Variants in SAMD12 observed in about 807,000 individuals in gnomAD.
SAMD12 encodes the protein sterile alpha motif domain containing 12.
In SAMD12, 9 loss-of-function variants were observed where a neutral mutation model predicts 15.0. That is an observed-to-expected ratio of 0.60 (90% confidence interval 0.36 to 1.05). SAMD12 has a LOEUF of 1.05. Among genes scored for constraint, SAMD12 ranks in the 50% least tolerant of loss-of-function variants. SAMD12 has a pLI of 0.01. For missense variants in SAMD12, 230 were observed against 234.2 expected (o/e 0.98, Z 0.12); for synonymous variants, 86 against 90.1 (o/e 0.96, Z 0.25).
At chr8:118,595,938 T>C (rs1057213998) in intron 1 of SAMD12, among the ~76,000 whole-genome samples, 1 of 152,220 alleles carries the variant, frequency 6.6e-6, no homozygotes, top group Non-Finnish European at 1.5e-5. Flanking sequence ...AGAGTGTCTG[T>C]CCCTATACAG....
At chr8:118,463,100 CAAAAAAAAA>C (rs71292167) in intron 2 of SAMD12, among the ~76,000 whole-genome samples, 2 of 63,110 alleles carry the variant, frequency 3.2e-5, no homozygotes, top group African/African-American at 1.3e-4. Context: ...AACTCCGTCT[CAAAAAAAAA>C]AAAAAAAAAA....
the SAMD12 span, among the ~76,000 whole-genome samples, chr8:118,145,252 T>G: frequency 1.3e-5 from 2 of 152,106 alleles, no homozygotes; most frequent in Non-Finnish European, 2.9e-5. Context: ...AGGGGTAAAT[T>G]ATATATTTGG....
intron 4 of SAMD12, among the ~76,000 whole-genome samples, chr8:118,354,685 G>C (rs929995890): frequency 3.9e-5 from 6 of 152,366 alleles, no homozygotes; most frequent in Admixed American, 3.3e-4. Flanking sequence ...ATGCTGAACA[G>C]TGCAGAACTA....
chr8:118,565,906 G>A (rs896943844), intron 2 of SAMD12, among the ~76,000 whole-genome samples: 1 of 152,060 alleles, frequency 6.6e-6, no homozygotes, highest in African/African-American at 2.4e-5. Flanking sequence ...TGTCAAATTT[G>A]TCCACTTCTC....
At chr8:118,568,223 T>C (rs1826902257) in intron 2 of SAMD12, among the ~76,000 whole-genome samples, 1 of 152,016 alleles carries the variant, frequency 6.6e-6, no homozygotes, top group South Asian at 2.1e-4. Flanking sequence ...TTGAAGGAAA[T>C]GAAGGGGTGC....
At chr8:118,147,476 T>C in the SAMD12 span, among the ~76,000 whole-genome samples, 10 of 151,434 alleles carry the variant, frequency 6.6e-5, no homozygotes, top group East Asian at 5.9e-4. Context: ...CTCTCCTGTC[T>C]CAGCCTCCCG....
At chr8:118,608,408 C>A (rs1434626529) in intron 1 of SAMD12, among the ~76,000 whole-genome samples, 1 of 152,058 alleles carries the variant, frequency 6.6e-6, no homozygotes, top group Non-Finnish European at 1.5e-5. Context: ...CACTGCATTG[C>A]CTAGCAGTCA....
At chr8:118,492,172 G>A (rs1417358597) in intron 2 of SAMD12, among the ~76,000 whole-genome samples, 1 of 143,984 alleles carries the variant, frequency 6.9e-6, no homozygotes, top group African/African-American at 2.6e-5. Flanking sequence ...GTATCAAGTA[G>A]TATTTCATTG....
chr8:118,500,662 T>C (rs1184303109), intron 2 of SAMD12, among the ~76,000 whole-genome samples: 1 of 151,858 alleles, frequency 6.6e-6, no homozygotes, highest in South Asian at 2.1e-4. Context: ...AAAAATTAGC[T>C]GGGCGTGGTG....
At chr8:118,406,813 G>A (rs1821151022) in intron 3 of SAMD12, among the ~76,000 whole-genome samples, 1 of 151,656 alleles carries the variant, frequency 6.6e-6, no homozygotes, top group Non-Finnish European at 1.5e-5. Flanking sequence ...ATTTGACTTA[G>A]CATAATGTCC....
chr8:118,148,785 G>A, the SAMD12 span, among the ~76,000 whole-genome samples: 1 of 152,160 alleles, frequency 6.6e-6, no homozygotes, highest in African/African-American at 2.4e-5. Context: ...CATGTCATAT[G>A]TGGTTATTTA....
chr8:118,514,326 CTGT>C (rs1307889206), intron 2 of SAMD12, among the ~76,000 whole-genome samples: 1 of 152,160 alleles, frequency 6.6e-6, no homozygotes, highest in East Asian at 1.9e-4. Flanking sequence ...TGGAAGAAAG[CTGT>C]TATTATTCCC....
intron 2 of SAMD12, among the ~76,000 whole-genome samples, chr8:118,518,443 A>T (rs930580511): frequency 6.6e-6 from 1 of 152,208 alleles, no homozygotes; most frequent in African/African-American, 2.4e-5. Flanking sequence ...TAAACTGAAT[A>T]ATAACCTCTT....
chr8:118,439,494 A>C (rs1293479962), intron 3 of SAMD12, among the ~76,000 whole-genome samples: 1 of 152,218 alleles, frequency 6.6e-6, no homozygotes, highest in South Asian at 2.1e-4. Context: ...TGGAAGATCT[A>C]CATAGTGATC....
At chr8:118,375,947 A>T (rs1456524268), downstream of SAMD12, 2 of 152,136 alleles carry the variant, frequency 1.3e-5, no homozygotes, top group African/African-American at 4.8e-5. Context: ...TATAGTATAC[A>T]TTGTTCTGCA....
the SAMD12 span, among the ~76,000 whole-genome samples, chr8:118,144,870 C>T: frequency 2.0e-5 from 3 of 152,310 alleles, no homozygotes; most frequent in South Asian, 6.2e-4. Context: ...TCCATATAGT[C>T]TCCAATGCAA....
intron 3 of SAMD12, among the ~76,000 whole-genome samples, chr8:118,386,272 T>C (rs1819950780): frequency 6.6e-6 from 1 of 152,194 alleles, no homozygotes; most frequent in African/African-American, 2.4e-5. Context: ...AAACATTCTC[T>C]GATACGTCTG....
chr8:118,175,033 A>C, the SAMD12 span, among the ~76,000 whole-genome samples: 2 of 83,596 alleles, frequency 2.4e-5, no homozygotes, highest in African/African-American at 9.2e-5. Flanking sequence ...GCAAAAAAAA[A>C]CAAAAAAAAA....
At chr8:118,512,564 T>C (rs1825117115) in intron 2 of SAMD12, among the ~76,000 whole-genome samples, 2 of 152,210 alleles carry the variant, frequency 1.3e-5, no homozygotes, top group Admixed American at 6.5e-5. Flanking sequence ...AATCAGACTG[T>C]TGTTAGAAAT....
Sources: gnomAD v4.1 joint callset for allele counts (sites outside exome capture counted in the v4.1 genomes callset) on GRCh38, gnomAD v4.1.1 for gene constraint, MANE v1.5 for transcripts, NCBI Gene and HGNC (gene_info 2026-07-23, HGNC 2026-07-21) for gene names.